HOOK1: variants seen among roughly 807,000 people sequenced by gnomAD.
HOOK1 encodes the protein protein Hook homolog 1.
HOOK1 carries 60 observed loss-of-function variants against 112.8 expected under a neutral mutation model. The ratio of observed to expected loss-of-function variants is 0.53; its 90% confidence interval spans 0.43 to 0.66. The LOEUF (loss-of-function observed/expected upper bound fraction) is 0.66. Among genes scored for constraint, HOOK1 ranks in the 30% least tolerant of loss-of-function variants. HOOK1 has a pLI of 0.00. For synonymous variants in HOOK1, 294 were observed against 283.8 expected, an observed-to-expected ratio of 1.04 and a Z score of -0.36; for missense variants, 770 against 856.0, an observed-to-expected ratio of 0.90 and a Z score of 1.25.
At position 59,847,199 on chromosome 1, in the gene HOOK1, T is replaced by TA. The variant is rs776560939; in HGVS notation, c.929+20dup. 6.3e-7 allele frequency: 1 copy of TA among 1,581,582 alleles called. No individual in the cohort carries two copies. The highest frequency in any genetic ancestry group is 1.4e-5 in the African/African-American group (1 of 72,836). On this transcript the variant is annotated intron_variant, in intron 10 of 21. Coordinates refer to ENST00000371208, the MANE Select transcript of HOOK1 (RefSeq NM_015888.6). ...AGATGTTCTTAGGTATGGCATGTCT[T>TA]AAAAAATATAATTATGCCATTTCTG... is the stretch of plus-strand genomic sequence containing the variant.
intron 2 of HOOK1, among the ~76,000 whole-genome samples, chr1:59,823,149 T>TGC (rs2098386961): frequency 1.3e-5 from 2 of 152,086 alleles, no homozygotes; most frequent in Admixed American, 1.3e-4. Context: ...TGAAACCCCA[T>TGC]CTCTACTAAA....
At chr1:59,858,843 G>A in intron 13 of HOOK1, 142 bp from the exon 14 acceptor site, 1 of 452,392 alleles carries the variant, frequency 2.2e-6, no homozygotes, top group Non-Finnish European at 4.0e-6. Flanking sequence ...GGGAGGGGAG[G>A]GGAGCGGGGA....
intron 7 of HOOK1, among the ~76,000 whole-genome samples, chr1:59,837,803 GT>G (rs920661865): frequency 2.0e-5 from 3 of 151,982 alleles, no homozygotes; most frequent in African/African-American, 7.3e-5. Flanking sequence ...CCGTCAACCT[GT>G]TACCTACATT....
chr1:59,873,765 A>ATATATATATATATATG lies in HOOK1; in HGVS notation c.*800_*801insTATATATATATATATG, dbSNP rs1553465916. On this transcript the variant is annotated 3_prime_UTR_variant, in exon 22 of 22. Coordinates refer to ENST00000371208, the MANE Select transcript of HOOK1 (RefSeq NM_015888.6). The stretch of plus-strand genomic sequence containing the variant: ...TATATATATATATATATATATATAT[A>ATATATATATATATATG]CTTTTTGTGAAATGTCTATATACTT... 1.6e-5 allele frequency: 2 copies of ATATATATATATATATG among 122,992 alleles called. No individual in the cohort carries two copies. The highest frequency in any genetic ancestry group is 3.0e-5 in the African/African-American group (1 of 33,606). 7.6% of individuals were successfully genotyped at this position (122,992 alleles called of 1,614,324 possible). A position where few individuals can be genotyped will look rare whatever the true frequency, so the allele number is the denominator to read the frequency against.
rs764370705 is a variant in HOOK1 at position 59,840,357 on chromosome 1, A to G, written c.587A>G (p.Glu196Gly). 6.3e-6 allele frequency: 10 copies of G among 1,593,738 alleles called. No individual in the cohort carries two copies. Among genetic ancestry groups the G allele is most frequent in the Non-Finnish European group, 8.5e-6 (10 of 1,170,886 alleles). ...ELQEALAEKE[E>G]LRQRCEELDM... The stretch of plus-strand genomic sequence containing the variant: ...CAGGAAGCACTAGCAGAAAAAGAAG[A>G]GCTGAGGCAAAGATGTGAAGAATTG... Residue 196 changes from glutamate (E) to glycine (G), a missense_variant, in exon 8 of 22, where the codon GAG becomes GGG. Glu to Gly is a moderately conservative substitution (Grantham distance 98, BLOSUM62 -2). Around this residue, in one of 3 missense-constraint regions of HOOK1, gnomAD observed 655 missense variants for 725.9 expected, o/e 0.90. Transcript: ENST00000371208.
intron 15 of HOOK1, among the ~76,000 whole-genome samples, chr1:59,860,890 C>T (rs540110736): frequency 1.3e-5 from 2 of 152,024 alleles, no homozygotes; most frequent in East Asian, 1.9e-4. Flanking sequence ...TCTCCTGCCT[C>T]ACCCTCCCAA....
intron 2 of HOOK1, 129 bp downstream of exon 2, chr1:59,822,072 C>A (rs1341641847): frequency 2.8e-6 from 2 of 709,926 alleles, no homozygotes; most frequent in Non-Finnish European, 4.8e-6. Flanking sequence ...AGGAATATGG[C>A]ACCAAGGCAT....
chr1:59,872,478 G>A (rs1032002535), intron 21 of HOOK1, among the ~76,000 whole-genome samples: 3 of 152,104 alleles, frequency 2.0e-5, no homozygotes, highest in Non-Finnish European at 4.4e-5. Context: ...GTTGTGACAT[G>A]TCTGCTCATA....
At chr1:59,872,738 A>G (rs931505294) in intron 21 of HOOK1, 57 bp from the exon 22 acceptor site, 3 of 1,210,714 alleles carry the variant, frequency 2.5e-6, no homozygotes, top group Admixed American at 3.6e-5. Flanking sequence ...TGTGAGAAGC[A>G]CTCGGCAAAC....
At chr1:59,854,206 C>T (rs1291968658) in intron 12 of HOOK1, among the ~76,000 whole-genome samples, 1 of 150,738 alleles carries the variant, frequency 6.6e-6, no homozygotes, top group African/African-American at 2.4e-5. Context: ...CGCATGCCAC[C>T]ATGCCTGACT....
chr1:59,853,942 A>T (rs1416441764), intron 12 of HOOK1, among the ~76,000 whole-genome samples: 1 of 137,574 alleles, frequency 7.3e-6, no homozygotes, highest in Non-Finnish European at 1.5e-5. Context: ...TTAATGCTTT[A>T]TACTATTGTC....
At chr1:59,836,740 A>G (rs1433100485) in intron 6 of HOOK1, 133 bp from the exon 7 acceptor site, 1 of 515,696 alleles carries the variant, frequency 1.9e-6, no homozygotes, top group African/African-American at 1.9e-5. Context: ...TTATCTGAAT[A>G]GCGTTCTAAG....
intron 20 of HOOK1, 99 bp from the exon 21 acceptor site, chr1:59,870,943 T>C (rs1412684793): frequency 3.7e-6 from 3 of 802,828 alleles, no homozygotes; most frequent in African/African-American, 3.4e-5. Flanking sequence ...GTGCAATCTT[T>C]AGATTCTCTC....
chr1:59,815,230 G>T, intron 1 of HOOK1, 50 bp downstream of exon 1: 1 of 1,513,142 alleles, frequency 6.6e-7, no homozygotes, highest in Non-Finnish European at 8.9e-7. Context: ...CCGAGGCGAG[G>T]AGCCTGGGGC....
intron 6 of HOOK1, among the ~76,000 whole-genome samples, chr1:59,836,138 G>T (rs941351103): frequency 6.6e-6 from 1 of 151,952 alleles, no homozygotes; most frequent in Non-Finnish European, 1.5e-5. Context: ...TGTTAGATCT[G>T]TGAGCAAATA....
chr1:59,837,397 T>G (rs1215266064), intron 7 of HOOK1, among the ~76,000 whole-genome samples: 2 of 152,030 alleles, frequency 1.3e-5, no homozygotes, highest in Admixed American at 1.3e-4. Flanking sequence ...GGTTATAGAG[T>G]AAAGGGTAAA....
chr1:59,850,387 C>G (rs2098406509), intron 12 of HOOK1, among the ~76,000 whole-genome samples: 1 of 150,926 alleles, frequency 6.6e-6, no homozygotes, highest in African/African-American at 2.4e-5. Context: ...ATCAGAGTTA[C>G]TTGTTTTTCC....
intron 3 of HOOK1, among the ~76,000 whole-genome samples, chr1:59,831,007 T>A (rs2102017724): frequency 6.6e-6 from 1 of 152,056 alleles, no homozygotes; most frequent in African/African-American, 2.4e-5. Flanking sequence ...TTCAAGCGAT[T>A]CTTCTGCCTC....
chr1:59,863,215 C>T (rs557214318), intron 16 of HOOK1, among the ~76,000 whole-genome samples: 3 of 152,266 alleles, frequency 2.0e-5, no homozygotes, highest in African/African-American at 7.2e-5. Flanking sequence ...CTTCATAGTT[C>T]TGCTGGAATT....
Sources: allele counts gnomAD v4.1 joint callset (sites outside exome capture counted in the v4.1 genomes callset), GRCh38; gene constraint gnomAD v4.1.1; regional missense constraint gnomAD v4.1.1; transcripts MANE v1.5; gene names NCBI Gene and HGNC (gene_info 2026-07-23, HGNC 2026-07-21).